CDHR3: variants seen among roughly 807,000 people sequenced by gnomAD.
CDHR3 encodes cadherin related family member 3.
In CDHR3, 79 loss-of-function variants were observed where a neutral mutation model predicts 86.6. The observed-to-expected ratio is 0.91, with a 90% CI of 0.76 to 1.10. CDHR3 has a LOEUF of 1.10. Ranked by LOEUF, CDHR3 falls within the 50% of genes least tolerant of loss-of-function variation. The probability of loss-of-function intolerance (pLI) is 0.00; values close to 1 mark genes in which losing one functional copy is unlikely to be tolerated. For missense variants in CDHR3, 1,081 were observed against 1,077.6 expected, an observed-to-expected ratio of 1.00 and a Z score of -0.04; for synonymous variants, 421 against 402.4, an observed-to-expected ratio of 1.05 and a Z score of -0.55.
At chr7:106,014,522 G>A (rs1352181854) in intron 9 of CDHR3, among the ~76,000 whole-genome samples, 5 of 152,230 alleles carry the variant, frequency 3.3e-5, no homozygotes, top group African/African-American at 4.8e-5. Context: ...ACTTGAGGCT[G>A]AGATGGGAGG....
rs141072632 is a variant in CDHR3 at position 105,976,571 on chromosome 7, C to T, written c.249+1525C>T. On this transcript the variant is annotated intron_variant, in intron 2 of 18. Coordinates refer to ENST00000317716, the MANE Select transcript of CDHR3 (RefSeq NM_152750.5). ...TCTAATTTTAGATTATTTTCATCACCCCAAAACAAAACCCTGTACCCATTA... is the reference window on the plus strand; with the variant it reads ...TCTAATTTTAGATTATTTTCATCACTCCAAAACAAAACCCTGTACCCATTA... Among the ~76,000 whole-genome samples the T allele has an allele frequency of 2.6e-3, 395 of 152,266 alleles. 1 individual carries two copies. The highest frequency in any genetic ancestry group is 8.6e-3 in the African/African-American group (358 of 41,548).
intron 6 of CDHR3, among the ~76,000 whole-genome samples, chr7:105,996,724 T>C (rs1832302309): frequency 6.6e-6 from 1 of 152,042 alleles, no homozygotes; most frequent in Non-Finnish European, 1.5e-5. Flanking sequence ...CACTCACGAC[T>C]CCCTAACGCC....
intron 6 of CDHR3, 102 bp from the exon 7 acceptor site, chr7:106,001,360 C>G: frequency 3.2e-6 from 4 of 1,257,696 alleles, no homozygotes; most frequent in Non-Finnish European, 4.5e-6. Context: ...GCAACTTGAA[C>G]AGCTCTGCAC....
intron 6 of CDHR3, among the ~76,000 whole-genome samples, chr7:105,999,548 G>A (rs1202797114): frequency 6.6e-6 from 1 of 152,154 alleles, no homozygotes; most frequent in African/African-American, 2.4e-5. Context: ...GTCTCCCCTA[G>A]TTGTGAAAAT....
chr7:106,017,710 A>C (rs1368803050), intron 11 of CDHR3, 136 bp from the exon 12 acceptor site: 1 of 659,490 alleles, frequency 1.5e-6, no homozygotes, highest in Non-Finnish European at 2.6e-6. Context: ...GTAGAATTGA[A>C]GCTATAAAAC....
intron 2 of CDHR3, among the ~76,000 whole-genome samples, chr7:105,977,618 G>A (rs1018497516): frequency 1.3e-5 from 2 of 152,156 alleles, no homozygotes; most frequent in Admixed American, 1.3e-4. Context: ...ACTACCCAAC[G>A]TCCTCTACCA....
chr7:106,031,378 C>T (rs909247693), intron 18 of CDHR3, among the ~76,000 whole-genome samples: 1 of 152,230 alleles, frequency 6.6e-6, no homozygotes, highest in African/African-American at 2.4e-5. Flanking sequence ...TCATCACCCC[C>T]GTGAAATCAG....
At position 106,034,847 on chromosome 7, in the gene CDHR3, G is replaced by A. The variant is rs1838778440; in HGVS notation, c.*2150G>A. Among the ~76,000 whole-genome samples, 1 of 152,220 alleles carries A rather than the reference G, an allele frequency of 6.6e-6. No individual in the cohort carries two copies. Among genetic ancestry groups the A allele is most frequent in the African/African-American group, 2.4e-5 (1 of 41,460 alleles). On this transcript the variant is annotated 3_prime_UTR_variant, in exon 19 of 19. Transcript: ENST00000317716. The stretch of plus-strand genomic sequence containing the variant: ...AATCCCAGCACTCTGGGAGGCTGAG[G>A]CAGGTGGATCACCTGAGGTCAGGAG...
intron 2 of CDHR3, among the ~76,000 whole-genome samples, chr7:105,977,096 C>T (rs928441448): frequency 3.8e-4 from 58 of 151,700 alleles, no homozygotes; most frequent in African/African-American, 1.4e-3. Flanking sequence ...AGACTACAGG[C>T]ACTGCACCAC....
At chr7:105,990,576 C>A (rs781731950) in intron 4 of CDHR3, among the ~76,000 whole-genome samples, 1 of 152,090 alleles carries the variant, frequency 6.6e-6, no homozygotes, top group Non-Finnish European at 1.5e-5. Context: ...GGGTTTGGGG[C>A]CATGTACTCA....
chr7:106,013,401 A>G (rs79890287), intron 9 of CDHR3, among the ~76,000 whole-genome samples: 2,524 of 152,300 alleles, frequency 0.017, 72 homozygotes, highest in African/African-American at 0.057. Context: ...AAGCAGGGCC[A>G]GGACCTTGAG....
intron 1 of CDHR3, 125 bp from the exon 2 acceptor site, chr7:105,974,719 G>C (rs544988293): frequency 1.4e-6 from 1 of 700,632 alleles, no homozygotes; most frequent in South Asian, 1.8e-5. Context: ...GTTTGTTCTC[G>C]GGGAGTGACC....
intron 1 of CDHR3, among the ~76,000 whole-genome samples, 169 bp downstream of exon 1, chr7:105,963,533 C>G (rs978189442): frequency 1.3e-5 from 2 of 152,120 alleles, no homozygotes; most frequent in African/African-American, 4.8e-5. Context: ...CCTGGGGGAC[C>G]AGGTAGGAGC....
chr7:105,973,069 T>C (rs925408627), intron 1 of CDHR3, among the ~76,000 whole-genome samples: 1 of 152,216 alleles, frequency 6.6e-6, no homozygotes, highest in Non-Finnish European at 1.5e-5. Flanking sequence ...CTACTGTCCC[T>C]ACCCACTCCG....
At chr7:106,031,879 G>A (rs768854564) in intron 18 of CDHR3, among the ~76,000 whole-genome samples, 37 of 151,734 alleles carry the variant, frequency 2.4e-4, no homozygotes, top group Admixed American at 7.9e-4. Context: ...TGGCTTCCTT[G>A]TATCATCTCA....
chr7:106,028,021 G>A lies in CDHR3; in HGVS notation c.2273-530G>A, dbSNP rs887121794. ...GTACGCCTGTAGTCTTAGCTACTGG[G>A]GAGATAGCTGAGAGGATCACTTGAG... On this transcript the variant is annotated intron_variant, in intron 16 of 18. Coordinates refer to ENST00000317716, the MANE Select transcript of CDHR3 (RefSeq NM_152750.5). 1.1e-4 allele frequency among the ~76,000 whole-genome samples: 17 copies of A among 152,006 alleles called. 1 individual carries two copies. Among genetic ancestry groups the A allele is most frequent in the Admixed American group, 8.5e-4 (13 of 15,276 alleles).
At position 106,032,516 on chromosome 7, in the gene CDHR3, CTGGGGAAGGGA is replaced by C; in HGVS notation, c.2483_2493del (p.Glu828ValfsTer11). 6.2e-7 allele frequency: 1 copy of C among 1,613,950 alleles called. No individual in the cohort carries two copies. Among genetic ancestry groups the C allele is most frequent in the Non-Finnish European group, 8.5e-7 (1 of 1,179,868 alleles). ...GGAGCTGCCCCACGCAGAGTCACTG[CTGGGGAAGGGA>C]TGGGGTCACTGAGAAGTGCCAACTG... On this transcript the variant is annotated frameshift_variant, in exon 19 of 19. Coordinates refer to ENST00000317716, the MANE Select transcript of CDHR3 (RefSeq NM_152750.5). LOFTEE classifies it low-confidence loss of function (END_TRUNC).
chr7:106,016,572 T>G (rs1003164594), intron 11 of CDHR3, among the ~76,000 whole-genome samples: 4 of 152,134 alleles, frequency 2.6e-5, no homozygotes, highest in African/African-American at 9.7e-5. Context: ...TCTGCCTCCC[T>G]CTCGCTCTCT....
chr7:106,016,256 T>A (rs1740661009), intron 11 of CDHR3, among the ~76,000 whole-genome samples: 1 of 152,272 alleles, frequency 6.6e-6, no homozygotes. Context: ...ACTGCATTTC[T>A]CAGAAGCCTC....
Sources: allele counts gnomAD v4.1 joint callset (sites outside exome capture counted in the v4.1 genomes callset), GRCh38; gene constraint gnomAD v4.1.1; transcripts MANE v1.5; gene names NCBI Gene and HGNC (gene_info 2026-07-23, HGNC 2026-07-21).